The following NCAM1 variants were observed in gnomAD, a reference collection of about 807,000 sequenced individuals.
NCAM1 encodes the protein antigen recognized by monoclonal antibody 5.1H11.
NCAM1 carries 14 observed loss-of-function variants against 109.8 expected under a neutral mutation model. The ratio of observed to expected loss-of-function variants is 0.13; its 90% CI spans 0.08 to 0.20. The LOEUF (loss-of-function observed/expected upper bound fraction) is 0.20. NCAM1 is among the 10% of genes least tolerant of loss of function. The probability of loss-of-function intolerance (pLI) is 1.00; values close to 1 mark genes in which losing one functional copy is unlikely to be tolerated. For missense variants in NCAM1, 774 were observed against 1,109.9 expected (o/e 0.70, Z 4.30); for synonymous variants, 418 against 442.9 (o/e 0.94, Z 0.70).
At chr11:113,095,819 ACCT>A (rs1227254199) in intron 1 of NCAM1, among the ~76,000 whole-genome samples, 1 of 151,974 alleles carries the variant, frequency 6.6e-6, no homozygotes, top group Non-Finnish European at 1.5e-5. Flanking sequence ...CCTGTGCCTC[ACCT>A]CCTACCGACT....
In NCAM1 at chr11:112,973,991, A is replaced by C. The variant is rs374035903; in HGVS notation, c.52+12327A>C. Among the ~76,000 whole-genome samples, 21 of 152,230 alleles carry C rather than the reference A, an allele frequency of 1.4e-4. No individual in the cohort carries two copies. In the East Asian group the frequency reaches 3.7e-3, roughly 27 times the overall value. On this transcript the variant is annotated intron_variant, in intron 1 of 19. Coordinates refer to ENST00000316851, the MANE Select transcript of NCAM1 (RefSeq NM_181351.5). ...TATCTAGATTCTCCTTTCCATTTGC[A>C]TAGGGTTAATATCAAATCTGTCAAT... is the stretch of plus-strand genomic sequence containing the variant.
chr11:113,258,361 G>C (rs1347261294), intron 16 of NCAM1, among the ~76,000 whole-genome samples: 1 of 152,224 alleles, frequency 6.6e-6, no homozygotes, highest in Non-Finnish European at 1.5e-5. Context: ...TGTTGGACTT[G>C]ACAGCAGAAC....
At chr11:113,240,839 TATC>T in intron 14 of NCAM1, 1 of 1,612,514 alleles carries the variant, frequency 6.2e-7, no homozygotes, top group Non-Finnish European at 8.5e-7. Context: ...AGATAGTGAG[TATC>T]ATTTTCTTCA....
rs71060290 is a variant in NCAM1, at chr11:113,132,604, A to ATGTGTGTGTG, written c.53-69737_53-69728dup. 2.4e-3 allele frequency among the ~76,000 whole-genome samples: 317 copies of ATGTGTGTGTG among 130,380 alleles called. 1 individual carries two copies. The highest frequency in any genetic ancestry group is 0.02 in the East Asian group (83 of 4,122). The allele number at this position is 130,380 out of a possible 152,430, so 85.5% of individuals were successfully genotyped here. ...TGGGATCAGGCATATATTAGGAAGC[A>ATGTGTGTGTG]TGTGTGTGTGTGTGTGTGTGTGTGT... On this transcript the variant is annotated intron_variant, in intron 1 of 19. Coordinates refer to ENST00000316851, the MANE Select transcript of NCAM1 (RefSeq NM_181351.5).
chr11:113,184,816 G>A (rs782606459), intron 1 of NCAM1, among the ~76,000 whole-genome samples: 17 of 152,080 alleles, frequency 1.1e-4, no homozygotes, highest in Admixed American at 3.9e-4. Context: ...TCCTGGGCTA[G>A]GTGGACCAAG....
chr11:112,982,884 C>T (rs1461718654), intron 1 of NCAM1, among the ~76,000 whole-genome samples: 1 of 151,766 alleles, frequency 6.6e-6, no homozygotes, highest in African/African-American at 2.4e-5. Flanking sequence ...TAGAAGTCTG[C>T]AGTTTTTAGG....
At chr11:113,076,912 C>A (rs1938553234) in intron 1 of NCAM1, among the ~76,000 whole-genome samples, 1 of 152,152 alleles carries the variant, frequency 6.6e-6, no homozygotes, top group African/African-American at 2.4e-5. Context: ...GAAAAAATTT[C>A]TATTTTGATA....
chr11:113,231,835 C>A (rs376434551), intron 10 of NCAM1, 40 bp downstream of exon 10: 2 of 1,611,408 alleles, frequency 1.2e-6, no homozygotes, highest in Non-Finnish European at 1.7e-6. Context: ...GAGGGAGGGG[C>A]AAGGCAGGGT....
At chr11:113,107,736 ATG>A (rs1940239920) in intron 1 of NCAM1, among the ~76,000 whole-genome samples, 1 of 152,128 alleles carries the variant, frequency 6.6e-6, no homozygotes, top group African/African-American at 2.4e-5. Context: ...CTCCCACAAT[ATG>A]TGGGAATTAT....
intron 17 of NCAM1, among the ~76,000 whole-genome samples, chr11:113,262,379 C>G (rs1337768465): frequency 6.6e-6 from 1 of 152,214 alleles, no homozygotes; most frequent in East Asian, 1.9e-4. Context: ...AGACAATACA[C>G]TTGCTGGCTG....
intron 1 of NCAM1, among the ~76,000 whole-genome samples, chr11:112,969,002 G>C (rs368151004): frequency 2.0e-5 from 3 of 152,174 alleles, no homozygotes; most frequent in Non-Finnish European, 1.5e-5. Context: ...CACCTGGAAG[G>C]AGGGGAGACA....
Position 113,205,720 on chromosome 11 carries a change from A to G in NCAM1, c.490+54A>G, listed in dbSNP as rs985320985. ...TTTTCCCCAGGCCACCAAGTTCCCT[A>G]GCTTTTTCACCTGTACTGAGGCATT... is the stretch of plus-strand genomic sequence containing the variant. On this transcript the variant is annotated intron_variant, in intron 4 of 19. Transcript: ENST00000316851. The G allele has an allele frequency of 4.4e-6, 7 of 1,585,076 alleles. No homozygotes were observed. In the South Asian group the frequency reaches 7.0e-5, roughly 16 times the overall value.
chr11:113,066,877 G>C (rs546708034), intron 1 of NCAM1, among the ~76,000 whole-genome samples: 1 of 151,908 alleles, frequency 6.6e-6, no homozygotes, highest in Non-Finnish European at 1.5e-5. Context: ...GGTGGCGGGC[G>C]CCTGTAGTCC....
At chr11:112,977,934 G>T (rs987430926) in intron 1 of NCAM1, among the ~76,000 whole-genome samples, 1 of 151,820 alleles carries the variant, frequency 6.6e-6, no homozygotes, top group African/African-American at 2.4e-5. Flanking sequence ...GTTCTCAAAA[G>T]GGTTTTTATT....
intron 2 of NCAM1, 22 bp from the exon 3 acceptor site, chr11:113,204,264 A>G: frequency 6.3e-7 from 1 of 1,584,362 alleles, no homozygotes; most frequent in Non-Finnish European, 8.6e-7. Flanking sequence ...CAGTAGCTTA[A>G]AAATAATCTC....
At chr11:113,049,675 G>T (rs782571961) in intron 1 of NCAM1, among the ~76,000 whole-genome samples, 1 of 152,144 alleles carries the variant, frequency 6.6e-6, no homozygotes, top group Non-Finnish European at 1.5e-5. Flanking sequence ...AGGTCTTTGC[G>T]TTAAAACTCT....
At chr11:113,061,625 G>T (rs186271578) in intron 1 of NCAM1, among the ~76,000 whole-genome samples, 4 of 152,312 alleles carry the variant, frequency 2.6e-5, no homozygotes, top group African/African-American at 9.6e-5. Context: ...GGGCCAGCTT[G>T]GTTGGCTCGC....
intron 1 of NCAM1, among the ~76,000 whole-genome samples, chr11:113,140,125 G>A (rs1281236068): frequency 2.6e-5 from 4 of 152,270 alleles, no homozygotes; most frequent in Admixed American, 6.5e-5. Flanking sequence ...AAGAAACAGC[G>A]CCCATTGTCA....
At chr11:113,122,337 C>G (rs1940998770) in intron 1 of NCAM1, among the ~76,000 whole-genome samples, 1 of 152,204 alleles carries the variant, frequency 6.6e-6, no homozygotes, top group East Asian at 1.9e-4. Context: ...AATCTCTCTT[C>G]TCCATAAGTA....
Sources: gnomAD v4.1 joint callset for allele counts (sites outside exome capture counted in the v4.1 genomes callset) on GRCh38, gnomAD v4.1.1 for gene constraint, MANE v1.5 for transcripts, NCBI Gene and HGNC (gene_info 2026-07-23, HGNC 2026-07-21) for gene names.